SLC25A14: variants seen among roughly 807,000 people sequenced by gnomAD.
SLC25A14 encodes the protein brain mitochondrial carrier protein 1.
In SLC25A14, 8 loss-of-function variants were observed where a neutral mutation model predicts 28.1. The observed-to-expected ratio is 0.28, with a 90% CI of 0.17 to 0.51. The LOEUF (loss-of-function observed/expected upper bound fraction) is 0.51. Ranked by LOEUF, SLC25A14 falls within the 20% of genes least tolerant of loss-of-function variation. The pLI is 0.97. For synonymous variants in SLC25A14, 74 were observed against 90.6 expected, an observed-to-expected ratio of 0.82 and a Z score of 1.04; for missense variants, 135 against 263.8, an observed-to-expected ratio of 0.51 and a Z score of 3.38.
chrX:130,352,856 A>G (rs2033660073), intron 6 of SLC25A14, among the ~76,000 whole-genome samples: 1 of 112,056 alleles, frequency 8.9e-6, no homozygotes, highest in East Asian at 2.8e-4. Flanking sequence ...CTCCCATTCT[A>G]TAGGTTGTTT....
intron 3 of SLC25A14, among the ~76,000 whole-genome samples, chrX:130,345,666 A>C (rs1194511845): frequency 5.4e-5 from 6 of 111,961 alleles, no homozygotes; most frequent in African/African-American, 1.9e-4. Context: ...TTTTAGAAGA[A>C]AATGTACTAA....
At chrX:130,346,289 C>T (rs1019991381) in intron 3 of SLC25A14, among the ~76,000 whole-genome samples, 1 of 111,177 alleles carries the variant, frequency 9.0e-6, no homozygotes, top group East Asian at 2.8e-4. Context: ...TATAATAGGG[C>T]AATCTGAAAG....
At chrX:130,362,412 G>A (rs6418932) in intron 7 of SLC25A14, among the ~76,000 whole-genome samples, 46,380 of 109,213 alleles carry the variant, frequency 0.42, 7,181 homozygotes, top group Non-Finnish European at 0.44. Context: ...TTAATATAGT[G>A]GTTATCCCAG....
intron 7 of SLC25A14, among the ~76,000 whole-genome samples, chrX:130,363,470 T>C (rs953068298): frequency 7.1e-5 from 8 of 112,583 alleles, no homozygotes; most frequent in African/African-American, 2.6e-4. Context: ...ATTTGGGTTC[T>C]TTGCACATTT....
rs2034301468 is a variant in SLC25A14 at position 130,372,956 on chromosome X, G to A, written c.*6G>A. 2 of 1,164,572 alleles carry A rather than the reference G, an allele frequency of 1.7e-6. No individual in the cohort carries two copies. The highest frequency in any genetic ancestry group is 2.3e-6 in the Non-Finnish European group (2 of 857,518). The stretch of plus-strand genomic sequence containing the variant: ...TAAAGAGGCTTCAAATCTAAGAACT[G>A]AATTATATGTGAGCCCAGCCCTGCC... On this transcript the variant is annotated 3_prime_UTR_variant, in exon 11 of 11. Coordinates refer to ENST00000545805, the MANE Select transcript of SLC25A14 (RefSeq NM_001282195.2).
chrX:130,340,338 C>G lies in SLC25A14; in HGVS notation c.60C>G (p.Ala20=), dbSNP rs1379960873. Residue 20 remains alanine, a synonymous_variant, in exon 2 of 11, where the codon GCC becomes GCG. Transcript: ENST00000545805. ...TAAGGGTGAAGTTTGCAACGGCGGCCGTGATTGTAAGCGGAGTAAGCAAAC... is the reference window on the plus strand; with the variant it reads ...TAAGGGTGAAGTTTGCAACGGCGGCGGTGATTGTAAGCGGAGTAAGCAAAC... The part of the protein sequence containing the change: ...IFLRVKFATA[A]VIVSGHQKST... 8.3e-7 allele frequency: 1 copy of G among 1,209,306 alleles called. No homozygotes were observed. The highest frequency in any genetic ancestry group is 1.1e-6 in the Non-Finnish European group (1 of 894,746).
chrX:130,372,361 A>C (rs2034283506), intron 10 of SLC25A14, among the ~76,000 whole-genome samples: 1 of 111,101 alleles, frequency 9.0e-6, no homozygotes, highest in East Asian at 2.8e-4. Flanking sequence ...TTAGAGTTTT[A>C]CTCTGTTTAT....
chrX:130,340,101 C>A lies in SLC25A14; in HGVS notation c.-172-6C>A. 1 of 1,079,709 alleles carries A rather than the reference C, an allele frequency of 9.3e-7. No individual in the cohort carries two copies. The highest frequency in any genetic ancestry group is 1.2e-6 in the Non-Finnish European group (1 of 835,988). 89.0% of individuals were successfully genotyped at this position (1,079,709 alleles called of 1,213,427 possible). On this transcript the variant is annotated splice_region_variant and splice_polypyrimidine_tract_variant and intron_variant, in intron 1 of 10. Transcript: ENST00000545805. The stretch of plus-strand genomic sequence containing the variant: ...TAACGGTCCTCTGGTCTCTCTCTCC[C>A]CTCAGCTGAGTCCCTTCCCTGTCTT...
intron 6 of SLC25A14, among the ~76,000 whole-genome samples, chrX:130,352,166 A>G (rs1224099198): frequency 8.9e-6 from 1 of 111,784 alleles, no homozygotes; most frequent in Non-Finnish European, 1.9e-5. Flanking sequence ...AGAACATGCT[A>G]TCTTTGGTTT....
At chrX:130,372,043 C>T (rs973224948) in intron 10 of SLC25A14, among the ~76,000 whole-genome samples, 1 of 111,881 alleles carries the variant, frequency 8.9e-6, no homozygotes, top group African/African-American at 3.3e-5. Context: ...GTGAAGGAAT[C>T]CACAGCCAAG....
At chrX:130,364,934 A>G (rs1400168390) in intron 8 of SLC25A14, 182 bp downstream of exon 8, 1 of 988,864 alleles carries the variant, frequency 1.0e-6, no homozygotes, top group East Asian at 4.7e-5. Flanking sequence ...GCCAGGTGCT[A>G]TGGGGGCTTG....
intron 9 of SLC25A14, among the ~76,000 whole-genome samples, chrX:130,370,284 T>C (rs1377180435): frequency 8.9e-6 from 1 of 112,292 alleles, no homozygotes; most frequent in Non-Finnish European, 1.9e-5. Flanking sequence ...GGAAAAAGAA[T>C]ATTTACAACT....
chrX:130,345,039 C>T, intron 2 of SLC25A14, 143 bp from the exon 3 acceptor site: 1 of 457,886 alleles, frequency 2.2e-6, no homozygotes, highest in Non-Finnish European at 3.8e-6. Context: ...AACAGGATCC[C>T]CCATTTTTGT....
chrX:130,373,109 T>C lies in SLC25A14; in HGVS notation c.*159T>C. 1 of 429,750 alleles carries C rather than the reference T, an allele frequency of 2.3e-6. No homozygotes were observed. Among genetic ancestry groups the C allele is most frequent in the Admixed American group, 4.4e-5 (1 of 22,771 alleles). 35.4% of individuals were successfully genotyped at this position (429,750 alleles called of 1,213,427 possible). ...AACAGTGGGGTGGTTCAAAGTTATT[T>C]CTATGTTTGTGTTACCATGTTAACT... is the stretch of plus-strand genomic sequence containing the variant. On this transcript the variant is annotated 3_prime_UTR_variant, in exon 11 of 11. Coordinates refer to ENST00000545805, the MANE Select transcript of SLC25A14 (RefSeq NM_001282195.2).
At chrX:130,360,788 AAGT>A (rs2033945288) in intron 7 of SLC25A14, among the ~76,000 whole-genome samples, 1 of 112,227 alleles carries the variant, frequency 8.9e-6, no homozygotes, top group African/African-American at 3.2e-5. Context: ...TTGTAGTAAA[AAGT>A]AGACATAACA....
At chrX:130,359,070 C>T (rs774810799) in intron 7 of SLC25A14, 244 of 962,826 alleles carry the variant, frequency 2.5e-4, no homozygotes, top group Non-Finnish European at 3.2e-4. Context: ...AAGCTGTTAC[C>T]GGCTGTGTGC....
intron 4 of SLC25A14, among the ~76,000 whole-genome samples, chrX:130,347,030 T>C (rs2033462223): frequency 9.0e-6 from 1 of 111,628 alleles, no homozygotes; most frequent in Non-Finnish European, 1.9e-5. Flanking sequence ...AATTCTGACT[T>C]CCTTTAAAAT....
intron 6 of SLC25A14, among the ~76,000 whole-genome samples, chrX:130,355,980 G>A (rs1275676545): frequency 9.0e-6 from 1 of 111,206 alleles, no homozygotes; most frequent in Non-Finnish European, 1.9e-5. Flanking sequence ...CGAGTCATGT[G>A]AGGAGGCACA....
chrX:130,349,234 AC>A lies in SLC25A14; in HGVS notation c.318-16del. ...CTGAAAATGTTGAGAATAACTTTTT[AC>A]TTTTTTTTTTTTCAGAATTGCTCCT... On this transcript the variant is annotated splice_polypyrimidine_tract_variant and intron_variant, in intron 4 of 10. Transcript: ENST00000545805. 9.8e-7 allele frequency: 1 copy of A among 1,017,701 alleles called. No individual in the cohort carries two copies. The highest frequency in any genetic ancestry group is 1.4e-6 in the Non-Finnish European group (1 of 733,947). The allele number at this position is 1,017,701 out of a possible 1,213,427, so 83.9% of individuals were successfully genotyped here.
Sources: gnomAD v4.1 joint callset for allele counts (sites outside exome capture counted in the v4.1 genomes callset) on GRCh38, gnomAD v4.1.1 for gene constraint, MANE v1.5 for transcripts, NCBI Gene and HGNC (gene_info 2026-07-23, HGNC 2026-07-21) for gene names.